BRINP3: variants seen among roughly 807,000 people sequenced by gnomAD.
BRINP3 encodes BMP/retinoic acid-inducible neural-specific protein 3.
BRINP3 carries 19 observed loss-of-function variants against 71.0 expected under a neutral mutation model. That is an observed-to-expected ratio of 0.27 (90% CI 0.19 to 0.39). The LOEUF (loss-of-function observed/expected upper bound fraction) is 0.39. Ranked by LOEUF, BRINP3 falls within the 10% of genes least tolerant of loss-of-function variation. The pLI is 1.00. For missense variants in BRINP3, 959 were observed against 940.8 expected (o/e 1.02, Z -0.25); for synonymous variants, 380 against 337.7 (o/e 1.13, Z -1.37).
chr1:190,382,272 C>G (rs767698852), intron 2 of BRINP3, among the ~76,000 whole-genome samples: 2 of 152,074 alleles, frequency 1.3e-5, no homozygotes, highest in Non-Finnish European at 2.9e-5. Context: ...TTACTTCACA[C>G]TTAGAAATCC....
At chr1:190,113,866 G>A (rs979242442) in intron 7 of BRINP3, among the ~76,000 whole-genome samples, 1 of 152,042 alleles carries the variant, frequency 6.6e-6, no homozygotes, top group African/African-American at 2.4e-5. Flanking sequence ...TTTGGAATAC[G>A]TTTTTTTCAC....
intron 4 of BRINP3, among the ~76,000 whole-genome samples, chr1:190,242,776 T>C (rs1447449263): frequency 6.6e-6 from 1 of 152,078 alleles, no homozygotes; most frequent in African/African-American, 2.4e-5. Flanking sequence ...AGAATAACTG[T>C]GAATTATAAA....
chr1:190,450,460 A>G lies in BRINP3; in HGVS notation c.236+4195T>C, dbSNP rs182497997. ...TTTCCCTCCTGATAATTTATACAGTATTTTAATAGGAAGTTTGAAGTGATT... is the reference window on the plus strand; with the variant it reads ...TTTCCCTCCTGATAATTTATACAGTGTTTTAATAGGAAGTTTGAAGTGATT... On this transcript the variant is annotated intron_variant, in intron 2 of 7. Coordinates refer to ENST00000367462, the MANE Select transcript of BRINP3 (RefSeq NM_199051.3). Among the ~76,000 whole-genome samples, 49 of 152,256 alleles carry G rather than the reference A, an allele frequency of 3.2e-4. No individual in the cohort carries two copies. The East Asian group carries it at 7.9e-3, about 25-fold the overall frequency.
At chr1:190,293,965 T>C (rs1664059523) in intron 2 of BRINP3, among the ~76,000 whole-genome samples, 1 of 152,130 alleles carries the variant, frequency 6.6e-6, no homozygotes, top group African/African-American at 2.4e-5. Context: ...TAGCTTTTTG[T>C]TCTTTTTTAA....
At chr1:190,293,166 ATTC>A (rs1663997721) in intron 2 of BRINP3, among the ~76,000 whole-genome samples, 2 of 151,904 alleles carry the variant, frequency 1.3e-5, no homozygotes, top group African/African-American at 2.4e-5. Context: ...TTATTGTGAT[ATTC>A]TTCTTATTCC....
intron 6 of BRINP3, among the ~76,000 whole-genome samples, chr1:190,207,736 A>T (rs866856662): frequency 6.6e-6 from 1 of 152,188 alleles, no homozygotes; most frequent in African/African-American, 2.4e-5. Context: ...TTACAAATGC[A>T]TATAAAATAT....
At chr1:190,129,101 C>T (rs1295538138) in intron 7 of BRINP3, among the ~76,000 whole-genome samples, 1 of 151,788 alleles carries the variant, frequency 6.6e-6, no homozygotes, top group African/African-American at 2.4e-5. Flanking sequence ...TTTTCCAAAG[C>T]ATAAATAAAT....
chr1:190,397,184 C>T (rs942663531), intron 2 of BRINP3, among the ~76,000 whole-genome samples: 1 of 151,946 alleles, frequency 6.6e-6, no homozygotes. Context: ...GCCTCTCTTA[C>T]CTACTTAGCA....
intron 3 of BRINP3, among the ~76,000 whole-genome samples, chr1:190,278,316 C>T (rs4845233): frequency 0.59 from 88,661 of 151,190 alleles, 26,204 homozygotes; most frequent in Admixed American, 0.69. Context: ...CCTTGGTCTT[C>T]ATTAATTAAG....
intron 2 of BRINP3, among the ~76,000 whole-genome samples, chr1:190,424,074 A>G (rs1183673110): frequency 6.6e-6 from 1 of 151,554 alleles, no homozygotes; most frequent in Non-Finnish European, 1.5e-5. Flanking sequence ...AATATAGTCC[A>G]AAATATATAT....
At chr1:190,380,953 A>G (rs893360396) in intron 2 of BRINP3, among the ~76,000 whole-genome samples, 1 of 152,138 alleles carries the variant, frequency 6.6e-6, no homozygotes, top group African/African-American at 2.4e-5. Flanking sequence ...ACAAATCTCT[A>G]AAACTAGGAA....
chr1:190,401,535 T>C (rs916128560), intron 2 of BRINP3, among the ~76,000 whole-genome samples: 14 of 152,026 alleles, frequency 9.2e-5, no homozygotes, highest in African/African-American at 3.4e-4. Flanking sequence ...AAGGAGAGCA[T>C]CACCAGGAGC....
intron 6 of BRINP3, 87 bp downstream of exon 6, chr1:190,225,995 A>G (rs1325491404): frequency 2.3e-6 from 2 of 870,388 alleles, no homozygotes; most frequent in Non-Finnish European, 3.5e-6. Flanking sequence ...CCAACTATGT[A>G]ATAGTTTCTT....
intron 6 of BRINP3, among the ~76,000 whole-genome samples, chr1:190,175,592 C>G (rs1172495870): frequency 6.6e-6 from 1 of 151,914 alleles, no homozygotes; most frequent in African/African-American, 2.4e-5. Flanking sequence ...CATAAACAGT[C>G]AATAGGTTTG....
intron 2 of BRINP3, among the ~76,000 whole-genome samples, chr1:190,344,289 T>C (rs1034809139): frequency 6.6e-6 from 1 of 151,818 alleles, no homozygotes; most frequent in African/African-American, 2.4e-5. Context: ...TTCAATACTT[T>C]CAATTTCGAG....
At chr1:190,387,005 T>C (rs10494633) in intron 2 of BRINP3, among the ~76,000 whole-genome samples, 27,030 of 151,928 alleles carry the variant, frequency 0.18, 2,548 homozygotes, top group African/African-American at 0.22. Flanking sequence ...ATGTCACCTC[T>C]TAGTGTTAAT....
intron 7 of BRINP3, among the ~76,000 whole-genome samples, chr1:190,108,156 G>C (rs1030245639): frequency 1.3e-5 from 2 of 151,864 alleles, no homozygotes; most frequent in Non-Finnish European, 2.9e-5. Flanking sequence ...GAACTTCATC[G>C]ATCAAAAATG....
intron 2 of BRINP3, among the ~76,000 whole-genome samples, chr1:190,374,867 G>A (rs1206786971): frequency 6.6e-6 from 1 of 151,890 alleles, no homozygotes; most frequent in African/African-American, 2.4e-5. Flanking sequence ...AGGATATATG[G>A]AAAAATACAC....
chr1:190,192,679 GA>G (rs1173286606), intron 6 of BRINP3, among the ~76,000 whole-genome samples: 3 of 151,806 alleles, frequency 2.0e-5, no homozygotes, highest in Non-Finnish European at 4.4e-5. Context: ...AGAAAAGGGT[GA>G]AATGAAATTA....
Sources: allele counts gnomAD v4.1 joint callset (sites outside exome capture counted in the v4.1 genomes callset), GRCh38; gene constraint gnomAD v4.1.1; transcripts MANE v1.5; gene names NCBI Gene and HGNC (gene_info 2026-07-23, HGNC 2026-07-21).